Variants in SPIDR observed in about 807,000 individuals in gnomAD.
The protein encoded by SPIDR is scaffold protein involved in DNA repair.
SPIDR carries 93 observed loss-of-function variants against 104.6 expected under a neutral mutation model. That is an observed-to-expected ratio of 0.89 (90% CI 0.75 to 1.06). SPIDR has a LOEUF of 1.06. SPIDR is among the 50% of genes least tolerant of loss of function. The pLI, the probability that SPIDR is intolerant of heterozygous loss-of-function variation, is 0.00. For missense variants in SPIDR, 1,154 were observed against 1,111.2 expected, an observed-to-expected ratio of 1.04 and a Z score of -0.55; for synonymous variants, 431 against 416.9, an observed-to-expected ratio of 1.03 and a Z score of -0.41.
chr8:47,480,857 G>T (rs1159616208), intron 8 of SPIDR, among the ~76,000 whole-genome samples: 1 of 152,176 alleles, frequency 6.6e-6, no homozygotes, highest in Non-Finnish European at 1.5e-5. Context: ...TTGGGAATGG[G>T]TTTGATTTGT....
intron 8 of SPIDR, among the ~76,000 whole-genome samples, chr8:47,479,493 A>G (rs1007299237): frequency 2.0e-5 from 3 of 152,194 alleles, no homozygotes; most frequent in Admixed American, 6.5e-5. Context: ...CTTCTGTCTC[A>G]AGGTCATAAA....
At chr8:47,343,518 G>T (rs997588983) in intron 5 of SPIDR, among the ~76,000 whole-genome samples, 2 of 152,180 alleles carry the variant, frequency 1.3e-5, no homozygotes, top group Non-Finnish European at 2.9e-5. Context: ...GGTAGTGAGG[G>T]CCAGAAGAAG....
intron 5 of SPIDR, among the ~76,000 whole-genome samples, chr8:47,313,683 C>T (rs367799755): frequency 6.6e-6 from 1 of 152,148 alleles, no homozygotes; most frequent in African/African-American, 2.4e-5. Flanking sequence ...CTACAGTAAC[C>T]AAAACTGCAT....
chr8:47,685,429 C>A (rs2077625707), intron 11 of SPIDR, among the ~76,000 whole-genome samples: 1 of 151,550 alleles, frequency 6.6e-6, no homozygotes, highest in Non-Finnish European at 1.5e-5. Flanking sequence ...CCTTCACTGT[C>A]CTTCTTACCA....
chr8:47,381,715 T>G (rs16925570), intron 5 of SPIDR, among the ~76,000 whole-genome samples: 8,058 of 152,266 alleles, frequency 0.053, 720 homozygotes, highest in African/African-American at 0.18. Context: ...TCACCTGGCC[T>G]GCGAGTCTGG....
chr8:47,272,150 T>C (rs974697028), intron 1 of SPIDR, among the ~76,000 whole-genome samples: 1 of 152,132 alleles, frequency 6.6e-6, no homozygotes, highest in South Asian at 2.1e-4. Context: ...GTATTTTTAG[T>C]GAGATGAGCT....
At chr8:47,486,377 T>C (rs946364608) in intron 8 of SPIDR, among the ~76,000 whole-genome samples, 23 of 152,178 alleles carry the variant, frequency 1.5e-4, no homozygotes, top group Non-Finnish European at 2.6e-4. Context: ...CTACGTCTGA[T>C]TGGTGTACCT....
chr8:47,697,507 C>G (rs2154481319), intron 11 of SPIDR, among the ~76,000 whole-genome samples: 1 of 152,312 alleles, frequency 6.6e-6, no homozygotes, highest in Non-Finnish European at 1.5e-5. Flanking sequence ...GAAAGTCTTT[C>G]AGCTTCCTGA....
At chr8:47,599,930 G>T (rs1389037058) in intron 10 of SPIDR, among the ~76,000 whole-genome samples, 3 of 152,078 alleles carry the variant, frequency 2.0e-5, no homozygotes, top group African/African-American at 7.2e-5. Context: ...GCTAATTTTT[G>T]TATTTTTAGT....
intron 1 of SPIDR, 146 bp from the exon 2 acceptor site, chr8:47,279,716 G>A: frequency 1.4e-6 from 1 of 724,762 alleles, no homozygotes; most frequent in South Asian, 2.3e-5. Flanking sequence ...TGCTCTTTAT[G>A]TGAAGATTTA....
intron 8 of SPIDR, among the ~76,000 whole-genome samples, chr8:47,552,692 G>A (rs1172863225): frequency 6.6e-6 from 1 of 152,132 alleles, no homozygotes; most frequent in Non-Finnish European, 1.5e-5. Context: ...ACAGCACACT[G>A]ATGTGTCTTG....
At position 47,701,803 on chromosome 8, in the gene SPIDR, A is replaced by G. The variant is rs758193701; in HGVS notation, c.1856A>G (p.Glu619Gly). The G allele has an allele frequency of 2.5e-6, 4 of 1,614,016 alleles. No individual in the cohort carries two copies. The Admixed American group carries it at 5.0e-5, about 20-fold the overall frequency. The change falls in exon 13 of 20, where the codon GAA becomes GGA. Residue 619 changes from glutamate to glycine, a missense_variant. Glu to Gly is a moderately conservative substitution (Grantham distance 98). Transcript: ENST00000297423. ...PNLGQIDIID[E>G]DPIYKLYQPP... ...CTGGGACAAATTGATATAATTGACGAAGACCCCATTTATAAGCTTTACCAG... is the reference window on the plus strand; with the variant it reads ...CTGGGACAAATTGATATAATTGACGGAGACCCCATTTATAAGCTTTACCAG...
chr8:47,339,711 G>C (rs1369738660), intron 5 of SPIDR, among the ~76,000 whole-genome samples: 1 of 140,876 alleles, frequency 7.1e-6, no homozygotes, highest in African/African-American at 2.7e-5. Context: ...GTGGAGTCTC[G>C]CACTGTCGCC....
At chr8:47,495,326 C>G (rs997411291) in intron 8 of SPIDR, among the ~76,000 whole-genome samples, 1 of 150,064 alleles carries the variant, frequency 6.7e-6, no homozygotes, top group Non-Finnish European at 1.5e-5. Flanking sequence ...TGAGATGGTA[C>G]AAGTATCATC....
intron 8 of SPIDR, among the ~76,000 whole-genome samples, chr8:47,457,990 C>G (rs2073280482): frequency 6.6e-6 from 1 of 152,174 alleles, no homozygotes; most frequent in South Asian, 2.1e-4. Context: ...GTTTTGGTGG[C>G]TATGGCCTTA....
intron 5 of SPIDR, among the ~76,000 whole-genome samples, chr8:47,392,926 A>G (rs1333614292): frequency 1.3e-5 from 2 of 152,246 alleles, no homozygotes; most frequent in Non-Finnish European, 2.9e-5. Context: ...TCAAATGCAG[A>G]ACACTTTTCA....
At chr8:47,394,885 T>G (rs1326184638) in intron 5 of SPIDR, among the ~76,000 whole-genome samples, 1 of 151,906 alleles carries the variant, frequency 6.6e-6, no homozygotes, top group African/African-American at 2.4e-5. Flanking sequence ...GTACCTGGAG[T>G]GAGTTAGGCA....
At chr8:47,305,180 A>G (rs2154250780) in intron 5 of SPIDR, among the ~76,000 whole-genome samples, 1 of 152,316 alleles carries the variant, frequency 6.6e-6, no homozygotes, top group South Asian at 2.1e-4. Flanking sequence ...AATTCTCATA[A>G]CCTAATTTTT....
chr8:47,713,917 G>C (rs1328249650), intron 16 of SPIDR, among the ~76,000 whole-genome samples: 1 of 152,162 alleles, frequency 6.6e-6, no homozygotes, highest in African/African-American at 2.4e-5. Flanking sequence ...ACTCAGGGAA[G>C]GCTTCCCAAA....
Sources: allele counts gnomAD v4.1 joint callset (sites outside exome capture counted in the v4.1 genomes callset), GRCh38; gene constraint gnomAD v4.1.1; transcripts MANE v1.5; gene names NCBI Gene and HGNC (gene_info 2026-07-23, HGNC 2026-07-21).